The following RTN4 variants were observed in gnomAD, a reference collection of about 807,000 sequenced individuals.
RTN4 encodes reticulon 4.
RTN4 carries 32 observed loss-of-function variants against 90.4 expected under a neutral mutation model. That is an observed-to-expected ratio of 0.35 (90% CI 0.27 to 0.48). The LOEUF (loss-of-function observed/expected upper bound fraction) is 0.48, where lower values mean the gene tolerates loss of function less well. Ranked by LOEUF, RTN4 falls within the 20% of genes least tolerant of loss-of-function variation. The pLI is 0.99. For synonymous variants in RTN4, 629 were observed against 552.5 expected, an observed-to-expected ratio of 1.14 and a Z score of -1.94; for missense variants, 1,706 against 1,430.2, an observed-to-expected ratio of 1.19 and a Z score of -3.11.
At chr2:55,072,831 T>A (rs1161764321) in intron 2 of RTN4, among the ~76,000 whole-genome samples, 2 of 152,228 alleles carry the variant, frequency 1.3e-5, no homozygotes, top group East Asian at 1.9e-4. Flanking sequence ...TGCCATCTTT[T>A]ACAGGATTAC....
At chr2:54,976,148 A>C (rs1323089547) in intron 5 of RTN4, among the ~76,000 whole-genome samples, 2 of 152,244 alleles carry the variant, frequency 1.3e-5, no homozygotes, top group African/African-American at 4.8e-5. Context: ...ATTTTAGAAG[A>C]AATTACTCTA....
the RTN4 span, among the ~76,000 whole-genome samples, chr2:55,133,814 G>C: frequency 1.3e-5 from 2 of 152,132 alleles, no homozygotes; most frequent in Admixed American, 6.5e-5. Context: ...CCCAAAATTG[G>C]GGTTCAGCCC....
At chr2:55,126,442 T>A in the RTN4 span, among the ~76,000 whole-genome samples, 2 of 150,814 alleles carry the variant, frequency 1.3e-5, no homozygotes, top group East Asian at 3.9e-4. Context: ...ATATCACTGA[T>A]CATTAGAGAA....
At chr2:55,093,015 A>G (rs1668968731) in intron 1 of RTN4, among the ~76,000 whole-genome samples, 1 of 152,252 alleles carries the variant, frequency 6.6e-6, no homozygotes, top group African/African-American at 2.4e-5. Flanking sequence ...ACTAATAAAA[A>G]TAACCATTGT....
intron 5 of RTN4, among the ~76,000 whole-genome samples, chr2:54,977,530 A>C (rs547454453): frequency 3.1e-4 from 47 of 152,286 alleles, no homozygotes; most frequent in African/African-American, 1.1e-3. Flanking sequence ...TCCCTAAAAA[A>C]GTAAAATTAT....
Position 55,095,457 on chromosome 2 carries a change from T to C in RTN4, c.-213-14818A>G, listed in dbSNP as rs116357054. On this transcript the variant is annotated intron_variant, in intron 1 of 3. Transcript: ENST00000427710. ...TATTTGTGAGGTCCATTTGTTATAA[T>C]TGATGAACCAACCAATGTTGATACA... 3.6e-3 allele frequency among the ~76,000 whole-genome samples: 551 copies of C among 152,350 alleles called. 4 individuals carry two copies. The highest frequency in any genetic ancestry group is 0.013 in the African/African-American group (520 of 41,580).
chr2:55,110,732 A>G (rs981138976), intron 1 of RTN4, among the ~76,000 whole-genome samples: 21 of 152,208 alleles, frequency 1.4e-4, no homozygotes, highest in Non-Finnish European at 2.9e-5. Context: ...ATCAGGAAAA[A>G]TACAGATTAA....
intron 3 of RTN4, among the ~76,000 whole-genome samples, chr2:55,001,949 G>A (rs72795433): frequency 0.011 from 1,652 of 152,046 alleles, 14 homozygotes; most frequent in Middle Eastern, 0.02. Flanking sequence ...CTTATGCACG[G>A]CTGTGATTAT....
At chr2:55,078,901 A>G (rs1668652057) in intron 2 of RTN4, among the ~76,000 whole-genome samples, 1 of 152,190 alleles carries the variant, frequency 6.6e-6, no homozygotes, top group Admixed American at 6.5e-5. Flanking sequence ...AATACTGGGA[A>G]AAAAAGGTTC....
At chr2:55,129,653 C>T in the RTN4 span, among the ~76,000 whole-genome samples, 1 of 152,060 alleles carries the variant, frequency 6.6e-6, no homozygotes, top group African/African-American at 2.4e-5. Context: ...CCTCCACCTC[C>T]CGGGCTCAAG....
At chr2:55,015,233 T>C (rs1680946528) in intron 3 of RTN4, among the ~76,000 whole-genome samples, 1 of 152,156 alleles carries the variant, frequency 6.6e-6, no homozygotes, top group African/African-American at 2.4e-5. Flanking sequence ...TTCCACAAGA[T>C]TGCTGCCTGG....
At chr2:55,007,145 T>C (rs147080229) in intron 3 of RTN4, among the ~76,000 whole-genome samples, 1,772 of 152,282 alleles carry the variant, frequency 0.012, 16 homozygotes, top group Middle Eastern at 0.034. Flanking sequence ...TCAAACTTCA[T>C]GTTGCCCCTT....
At chr2:55,137,495 T>A in the RTN4 span, among the ~76,000 whole-genome samples, 8 of 152,276 alleles carry the variant, frequency 5.3e-5, no homozygotes, top group South Asian at 1.7e-3. Context: ...GGAAGCAGAC[T>A]GTGCAGGAAA....
intron 1 of RTN4, among the ~76,000 whole-genome samples, chr2:55,103,697 C>T (rs566503118): frequency 3.4e-4 from 52 of 152,098 alleles, no homozygotes; most frequent in Admixed American, 2.8e-3. Flanking sequence ...AAATGTGTAG[C>T]TTTTTTGTTG....
chr2:55,115,638 G>A (rs939809603), upstream of RTN4, among the ~76,000 whole-genome samples: 1 of 152,214 alleles, frequency 6.6e-6, no homozygotes, highest in Admixed American at 6.5e-5. Context: ...GCCCAAGAAA[G>A]CAGTCTGCTC....
chr2:55,094,171 C>A (rs1668991671), intron 1 of RTN4, among the ~76,000 whole-genome samples: 1 of 152,074 alleles, frequency 6.6e-6, no homozygotes. Flanking sequence ...AGAGTAGAGT[C>A]CCCATGATGG....
At chr2:55,038,639 G>A (rs1226321084) in intron 1 of RTN4, among the ~76,000 whole-genome samples, 3 of 152,178 alleles carry the variant, frequency 2.0e-5, no homozygotes, top group African/African-American at 4.8e-5. Flanking sequence ...TGGTGAAAAC[G>A]TAAAGCCACC....
At chr2:55,075,017 C>A (rs1454760498) in intron 2 of RTN4, among the ~76,000 whole-genome samples, 2 of 152,204 alleles carry the variant, frequency 1.3e-5, no homozygotes, top group Non-Finnish European at 2.9e-5. Context: ...ATAACTGGAA[C>A]AAGACAAGGA....
intron 3 of RTN4, chr2:55,010,462 GTTGT>G (rs1680553629): frequency 1.4e-6 from 1 of 690,910 alleles, no homozygotes; most frequent in Admixed American, 4.8e-5. Context: ...GGAAATAAGG[GTTGT>G]TCTTAGAACT....
Sources: allele counts gnomAD v4.1 joint callset (sites outside exome capture counted in the v4.1 genomes callset), GRCh38; gene constraint gnomAD v4.1.1; transcripts MANE v1.5; gene names NCBI Gene and HGNC (gene_info 2026-07-23, HGNC 2026-07-21).